Variants in CLCN5 observed in about 807,000 individuals in gnomAD.
CLCN5 encodes H(+)/Cl(-) exchange transporter 5.
A neutral mutation model predicts 54.0 loss-of-function variants in CLCN5; 17 were observed. The observed-to-expected ratio is 0.31, with a 90% CI of 0.22 to 0.47. CLCN5 has a LOEUF of 0.47. Among genes scored for constraint, CLCN5 ranks in the 20% least tolerant of loss-of-function variants. CLCN5 has a pLI of 1.00. For missense variants in CLCN5, 448 were observed against 646.7 expected (o/e 0.69, Z 3.33); for synonymous variants, 222 against 233.0 (o/e 0.95, Z 0.43).
At chrX:50,089,388 A>G (rs1490849085) in intron 12 of CLCN5, among the ~76,000 whole-genome samples, 1 of 112,610 alleles carries the variant, frequency 8.9e-6, no homozygotes, top group Non-Finnish European at 1.9e-5. Flanking sequence ...TTAAACATAT[A>G]ATGTGAGTTC....
rs782690965 is a variant in CLCN5 at position 49,948,398 on chromosome X, A to G, written c.16+23084A>G. ...GATACCCTTACTTGGATGCTCCACT[A>G]TCAGCATATAAAATCAGCTAGCTGA... is the stretch of plus-strand genomic sequence containing the variant. On this transcript the variant is annotated intron_variant, in intron 3 of 14. Coordinates refer to ENST00000376091, the MANE Select transcript of CLCN5 (RefSeq NM_001127898.4). Among the ~76,000 whole-genome samples the G allele has an allele frequency of 2.7e-5, 3 of 111,172 alleles. 1 individual carries two copies. Among genetic ancestry groups the G allele is most frequent in the African/African-American group, 9.8e-5 (3 of 30,550 alleles).
Position 50,090,722 on chromosome X carries a change from C to T in CLCN5, c.2196C>T (p.Phe732=), listed in dbSNP as rs782682540. ...TTGTTAGCACTTCCATCATTTATTT[C>T]ACGGAGCATTCTCCTCCATTGCCAC... The part of the protein sequence containing the change: ...DGVVSTSIIY[F]TEHSPPLPPY... Residue 732 remains phenylalanine, a synonymous_variant, in exon 14 of 15, where the codon TTC becomes TTT. Coordinates refer to ENST00000376091, the MANE Select transcript of CLCN5 (RefSeq NM_001127898.4). 3.3e-5 allele frequency: 40 copies of T among 1,208,556 alleles called. No homozygotes were observed. The South Asian group carries it at 3.9e-4, about 12-fold the overall frequency.
rs1925606955 is a variant in CLCN5 at position 49,930,826 on chromosome X, T to C, written c.16+5512T>C. 1.8e-5 allele frequency among the ~76,000 whole-genome samples: 2 copies of C among 112,018 alleles called. 1 individual carries two copies. The highest frequency in any genetic ancestry group is 6.5e-5 in the African/African-American group (2 of 30,785). ...GAACCTGTGCAGTTCAAACCCGTAT[T>C]GTTCAAGGGTCAACTGTCATTAAAA... On this transcript the variant is annotated intron_variant, in intron 3 of 14. Transcript: ENST00000376091.
chrX:50,072,381 T>C, intron 5 of CLCN5, 108 bp from the exon 6 acceptor site: 6 of 579,588 alleles, frequency 1.0e-5, no homozygotes, highest in Non-Finnish European at 1.8e-5. Context: ...TAGCTCTAAA[T>C]TGGTCTCTAT....
chrX:50,060,144 G>T (rs896049717), intron 4 of CLCN5, among the ~76,000 whole-genome samples: 1 of 109,654 alleles, frequency 9.1e-6, no homozygotes, highest in African/African-American at 3.3e-5. Context: ...GACAGTCACG[G>T]GGGGAGGAGC....
chrX:50,019,737 T>G (rs1166347325), intron 3 of CLCN5, among the ~76,000 whole-genome samples: 8 of 20,019 alleles, frequency 4.0e-4, no homozygotes, highest in African/African-American at 1.5e-3. Flanking sequence ...GTTTGGTTTT[T>G]TGTTCTTGCG....
intron 3 of CLCN5, among the ~76,000 whole-genome samples, chrX:49,999,099 T>G (rs1055622340): frequency 9.1e-6 from 1 of 109,785 alleles, no homozygotes; most frequent in Non-Finnish European, 1.9e-5. Context: ...TGAGCATTAT[T>G]ATGGGACACC....
intron 3 of CLCN5, among the ~76,000 whole-genome samples, chrX:50,015,014 G>A (rs1200118506): frequency 9.0e-6 from 1 of 111,081 alleles, no homozygotes; most frequent in African/African-American, 3.3e-5. Flanking sequence ...ATTAAGCCAA[G>A]GATTCAATGA....
rs1932883410 is a variant in CLCN5, at chrX:50,062,902, A to G, written c.164-6977A>G. 6.5e-5 allele frequency among the ~76,000 whole-genome samples: 7 copies of G among 108,138 alleles called. No individual in the cohort carries two copies. In the Admixed American group the frequency reaches 6.9e-4, roughly 11 times the overall value. 93.9% of individuals were successfully genotyped at this position (108,138 alleles called of 115,157 possible). A position where few individuals can be genotyped will look rare whatever the true frequency, so the allele number is the denominator to read the frequency against. ...TGGAAACTGAACAACCTGCTCCTGA[A>G]TGACTACTGGGTAAATAACGAAATG... is the stretch of plus-strand genomic sequence containing the variant. On this transcript the variant is annotated intron_variant, in intron 4 of 14. Coordinates refer to ENST00000376091, the MANE Select transcript of CLCN5 (RefSeq NM_001127898.4).
intron 4 of CLCN5, among the ~76,000 whole-genome samples, chrX:50,065,728 C>T (rs1250489458): frequency 1.9e-5 from 2 of 106,214 alleles, no homozygotes; most frequent in Non-Finnish European, 3.9e-5. Flanking sequence ...TTCATTGCGG[C>T]ATTATTCACA....
chrX:50,071,510 G>A lies in CLCN5; in HGVS notation c.316-979G>A, dbSNP rs1297685970. On this transcript the variant is annotated intron_variant, in intron 5 of 14. Transcript: ENST00000376091. ...AGTGCACACTTCCTTTTATATTAAT[G>A]GTTGCATCTGAGGCAAATTATGCCA... Among the ~76,000 whole-genome samples, 5 of 111,713 alleles carry A rather than the reference G, an allele frequency of 4.5e-5. 1 individual carries two copies.
chrX:50,009,813 G>A, intron 3 of CLCN5: 1 of 385,640 alleles, frequency 2.6e-6, no homozygotes, highest in South Asian at 2.4e-5. Flanking sequence ...AGCCCCCTCT[G>A]CGTGGAGAAC....
At chrX:50,052,765 T>C (rs112341663) in intron 4 of CLCN5, among the ~76,000 whole-genome samples, 6,770 of 111,561 alleles carry the variant, frequency 0.061, 541 homozygotes, top group African/African-American at 0.21. Context: ...AACACGATGA[T>C]AGTTAATAAT....
intron 3 of CLCN5, among the ~76,000 whole-genome samples, chrX:49,996,527 G>A (rs997952022): frequency 1.1e-4 from 12 of 112,213 alleles, no homozygotes; most frequent in African/African-American, 3.6e-4. Flanking sequence ...CATGATATGC[G>A]TTACTGTCTT....
intron 3 of CLCN5, among the ~76,000 whole-genome samples, chrX:49,980,730 T>C (rs1381534195): frequency 9.0e-6 from 1 of 111,549 alleles, no homozygotes; most frequent in Admixed American, 9.5e-5. Context: ...GAAAATAAAA[T>C]ATGACATACC....
chrX:50,007,440 T>TCTCTCTCTCA (rs1374630944), intron 3 of CLCN5, among the ~76,000 whole-genome samples: 3 of 69,533 alleles, frequency 4.3e-5, no homozygotes, highest in Admixed American at 1.6e-4. Flanking sequence ...TCTCTCTCTG[T>TCTCTCTCTCA]CACACACACA....
intron 3 of CLCN5, among the ~76,000 whole-genome samples, chrX:50,019,565 G>A (rs1381272344): frequency 1.1e-4 from 6 of 54,836 alleles, no homozygotes; most frequent in Non-Finnish European, 1.9e-4. Context: ...CCATGCTGGT[G>A]CGCTGCACCC....
intron 3 of CLCN5, among the ~76,000 whole-genome samples, chrX:49,964,551 A>G (rs1372860072): frequency 2.3e-4 from 25 of 110,831 alleles, no homozygotes; most frequent in Admixed American, 2.0e-3. Flanking sequence ...TATTTCCACA[A>G]TCTGTGGGAT....
At chrX:50,015,818 A>G (rs1930761985) in intron 3 of CLCN5, among the ~76,000 whole-genome samples, 1 of 111,260 alleles carries the variant, frequency 9.0e-6, no homozygotes, top group Non-Finnish European at 1.9e-5. Flanking sequence ...GTAGCAATAC[A>G]GTATTATAAA....
Sources: gnomAD v4.1 joint callset for allele counts (sites outside exome capture counted in the v4.1 genomes callset) on GRCh38, gnomAD v4.1.1 for gene constraint, MANE v1.5 for transcripts, NCBI Gene and HGNC (gene_info 2026-07-23, HGNC 2026-07-21) for gene names.